Variants in TP53BP1 observed in about 807,000 individuals in gnomAD.
TP53BP1 encodes TP53-binding protein 1.
Under a neutral mutation model 200.8 loss-of-function variants are expected in TP53BP1, and 61 were observed. The ratio of observed to expected loss-of-function variants is 0.30; its 90% CI spans 0.25 to 0.38. The LOEUF (loss-of-function observed/expected upper bound fraction) is 0.38. TP53BP1 is among the 10% of genes least tolerant of loss of function. The probability of loss-of-function intolerance (pLI) is 1.00; values close to 1 mark genes in which losing one functional copy is unlikely to be tolerated. For synonymous variants in TP53BP1, 822 were observed against 844.3 expected, an observed-to-expected ratio of 0.97 and a Z score of 0.46; for missense variants, 2,144 against 2,371.9, an observed-to-expected ratio of 0.90 and a Z score of 2.00.
chr15:43,407,656 A>T, intron 27 of TP53BP1, 86 bp from the exon 28 acceptor site: 2 of 1,304,972 alleles, frequency 1.5e-6, no homozygotes, highest in Non-Finnish European at 2.1e-6. Context: ...TAACCAATAC[A>T]TCCCACTCTG....
rs185173479 is a variant in TP53BP1 at position 43,477,224 on chromosome 15, C to T, written c.955+369G>A. On this transcript the variant is annotated intron_variant, in intron 8 of 27. Coordinates refer to ENST00000382044, the MANE Select transcript of TP53BP1 (RefSeq NM_001141980.3). ...CTGAGGCAGGAGAATGGCATGATCC[C>T]GGGAGGCGGAGCTTGCAGTGAGCCG... Among the ~76,000 whole-genome samples the T allele has an allele frequency of 2.0e-3, 295 of 150,164 alleles. 1 individual carries two copies. The highest frequency in any genetic ancestry group is 6.9e-3 in the African/African-American group (278 of 40,500).
At chr15:43,490,867 A>C (rs1329950664) in intron 4 of TP53BP1, among the ~76,000 whole-genome samples, 1 of 152,212 alleles carries the variant, frequency 6.6e-6, no homozygotes, top group Non-Finnish European at 1.5e-5. Flanking sequence ...AATAGGATTA[A>C]ATAACATTAT....
intron 18 of TP53BP1, among the ~76,000 whole-genome samples, chr15:43,424,987 A>T (rs1317416711): frequency 6.6e-6 from 1 of 152,188 alleles, no homozygotes; most frequent in Non-Finnish European, 1.5e-5. Flanking sequence ...TGGGTTAGTT[A>T]TCACCAGAGT....
chr15:43,463,622 G>A (rs1189800464), intron 11 of TP53BP1, among the ~76,000 whole-genome samples: 1 of 152,160 alleles, frequency 6.6e-6, no homozygotes, highest in African/African-American at 2.4e-5. Flanking sequence ...AAAGAGAACA[G>A]AAGAAAAGAG....
At chr15:43,446,893 G>A (rs1283308532) in intron 13 of TP53BP1, 1 of 894,624 alleles carries the variant, frequency 1.1e-6, no homozygotes, top group African/African-American at 1.7e-5. Context: ...CAGACGGCAT[G>A]ATTGTTACCT....
chr15:43,428,272 T>C, intron 17 of TP53BP1, 104 bp from the exon 18 acceptor site: 3 of 988,856 alleles, frequency 3.0e-6, no homozygotes, highest in Non-Finnish European at 3.0e-6. Context: ...TCCATGAATC[T>C]AGTGTGACAG....
chr15:43,412,773 A>G, intron 24 of TP53BP1: 1 of 475,428 alleles, frequency 2.1e-6, no homozygotes, highest in Non-Finnish European at 4.3e-6. Flanking sequence ...GTAGGCTAAA[A>G]TGACAGAGCT....
chr15:43,508,274 C>T (rs575212873), intron 1 of TP53BP1, among the ~76,000 whole-genome samples: 1 of 152,114 alleles, frequency 6.6e-6, no homozygotes, highest in Non-Finnish European at 1.5e-5. Flanking sequence ...GCAGAAGAAT[C>T]GCTTGAACCC....
chr15:43,476,175 G>A (rs1287125202), intron 8 of TP53BP1, among the ~76,000 whole-genome samples: 2 of 152,206 alleles, frequency 1.3e-5, no homozygotes, highest in African/African-American at 2.4e-5. Context: ...TAAGGCAGGA[G>A]CATCACTTGA....
At chr15:43,423,939 T>C (rs1024828444) in intron 18 of TP53BP1, among the ~76,000 whole-genome samples, 3 of 152,184 alleles carry the variant, frequency 2.0e-5, no homozygotes, top group African/African-American at 7.2e-5. Context: ...CTCACATGCT[T>C]TCCCTGGTCA....
intron 4 of TP53BP1, among the ~76,000 whole-genome samples, chr15:43,489,217 T>C (rs1275064700): frequency 6.6e-6 from 1 of 152,250 alleles, no homozygotes; most frequent in Admixed American, 6.5e-5. Context: ...TTAACATCTG[T>C]CTCTCCTATT....
chr15:43,415,846 T>G, intron 22 of TP53BP1, 37 bp from the exon 23 acceptor site: 3 of 1,575,868 alleles, frequency 1.9e-6, no homozygotes, highest in Non-Finnish European at 2.6e-6. Context: ...GGTCAAACTC[T>G]ATGGTATGAG....
At chr15:43,407,809 G>C (rs1193629930) in intron 27 of TP53BP1, 134 bp downstream of exon 27, 1 of 950,286 alleles carries the variant, frequency 1.1e-6, no homozygotes, top group Non-Finnish European at 1.6e-6. Flanking sequence ...ACCTCTTGAA[G>C]GTGGTACTTT....
chr15:43,423,489 C>T (rs1163763729), intron 18 of TP53BP1, among the ~76,000 whole-genome samples: 1 of 107,364 alleles, frequency 9.3e-6, no homozygotes, highest in Non-Finnish European at 1.6e-5. Context: ...GAAACCCCGT[C>T]TCTACTAACA....
rs1047827407 is a variant in TP53BP1 at position 43,404,367 on chromosome 15, G to A, written c.*3016C>T. 3.1e-6 allele frequency: 5 copies of A among 1,611,134 alleles called. No individual in the cohort carries two copies. Among genetic ancestry groups the A allele is most frequent in the African/African-American group, 1.3e-5 (1 of 74,852 alleles). The stretch of plus-strand genomic sequence containing the variant: ...TCCGCCCCCATCCTCCATATGGAGA[G>A]TTGGTGAGCTGAAGTGGAATGACAG... On this transcript the variant is annotated 3_prime_UTR_variant, in exon 28 of 28. Coordinates refer to ENST00000382044, the MANE Select transcript of TP53BP1 (RefSeq NM_001141980.3).
At chr15:43,455,365 G>A (rs1382280993) in intron 12 of TP53BP1, among the ~76,000 whole-genome samples, 2 of 151,430 alleles carry the variant, frequency 1.3e-5, no homozygotes, top group African/African-American at 2.4e-5. Context: ...AACTAGTCCC[G>A]AGTTACAAAG....
chr15:43,463,759 C>T, intron 11 of TP53BP1, among the ~76,000 whole-genome samples: 1 of 152,210 alleles, frequency 6.6e-6, no homozygotes, highest in Non-Finnish European at 1.5e-5. Context: ...CCCATAATCT[C>T]ACCCTGCCCC....
At chr15:43,432,739 G>A in intron 16 of TP53BP1, 62 bp from the exon 17 acceptor site, 1 of 1,518,544 alleles carries the variant, frequency 6.6e-7, no homozygotes, top group Non-Finnish European at 8.8e-7. Context: ...GAACGTGTGT[G>A]TGTGCGTGTG....
At chr15:43,412,887 TC>T in intron 24 of TP53BP1, 1 of 593,032 alleles carries the variant, frequency 1.7e-6, no homozygotes, top group Non-Finnish European at 3.1e-6. Context: ...AAGATCTATC[TC>T]CCATCTGCCT....
Sources: gnomAD v4.1 joint callset for allele counts (sites outside exome capture counted in the v4.1 genomes callset) on GRCh38, gnomAD v4.1.1 for gene constraint, MANE v1.5 for transcripts, NCBI Gene and HGNC (gene_info 2026-07-23, HGNC 2026-07-21) for gene names.